The following SGCZ variants were observed in gnomAD, a reference collection of about 807,000 sequenced individuals.
SGCZ encodes the protein zeta-sarcoglycan.
SGCZ carries 40 observed loss-of-function variants against 41.3 expected under a neutral mutation model. The ratio of observed to expected loss-of-function variants is 0.97; its 90% CI spans 0.75 to 1.26. The LOEUF (loss-of-function observed/expected upper bound fraction) is 1.26. Among genes scored for constraint, SGCZ ranks in the 50% most tolerant of loss-of-function variants. The pLI is 0.00. For synonymous variants in SGCZ, 206 were observed against 137.5 expected (o/e 1.50, Z -3.49); for missense variants, 552 against 369.8 (o/e 1.49, Z -4.04).
intron 1 of SGCZ, among the ~76,000 whole-genome samples, chr8:14,582,646 T>A: frequency 7.0e-6 from 1 of 142,472 alleles, no homozygotes; most frequent in Non-Finnish European, 1.5e-5. Context: ...CTCCTAATGC[T>A]ATCCCTCCCC....
rs59769861 is a variant in SGCZ, at chr8:14,862,535, GATATATATATATATATATATATATAT to G, written c.40-307635_40-307610del. Among the ~76,000 whole-genome samples, 140 of 61,578 alleles carry G rather than the reference GATATATATATATATATATATATATAT, an allele frequency of 2.3e-3. 1 individual carries two copies. Among genetic ancestry groups the G allele is most frequent in the African/African-American group, 6.3e-3 (99 of 15,748 alleles). The allele number at this position is 61,578 out of a possible 152,430, so 40.4% of individuals were successfully genotyped here. Reference sequence around the variant, plus strand: ...TATGAAACAAAAATTGCATCTTTAAGATATATATATATATATATATATATATATATATATATATATATATATACACA... The same window carrying G: ...TATGAAACAAAAATTGCATCTTTAAGATATATATATATATATATATACACA... On this transcript the variant is annotated intron_variant, in intron 1 of 7. Coordinates refer to ENST00000382080, the MANE Select transcript of SGCZ (RefSeq NM_139167.4).
chr8:14,940,004 GA>G (rs1453585186), intron 1 of SGCZ, among the ~76,000 whole-genome samples: 1 of 152,132 alleles, frequency 6.6e-6, no homozygotes, highest in Non-Finnish European at 1.5e-5. Flanking sequence ...ACAGTCAATA[GA>G]AGTAATTCAG....
intron 2 of SGCZ, among the ~76,000 whole-genome samples, chr8:14,351,000 G>T (rs923066466): frequency 3.7e-4 from 57 of 152,226 alleles, no homozygotes; most frequent in Admixed American, 2.0e-3. Context: ...TGCATGCGTA[G>T]GGTCAGTCCT....
intron 3 of SGCZ, among the ~76,000 whole-genome samples, chr8:14,275,578 TAAAAG>T (rs972771241): frequency 2.0e-5 from 3 of 152,054 alleles, no homozygotes; most frequent in Non-Finnish European, 4.4e-5. Flanking sequence ...AGGGGAAACA[TAAAAG>T]GAAAGGGAGT....
chr8:14,493,096 T>G lies in SGCZ; in HGVS notation c.234+61636A>C, dbSNP rs1171440334. On this transcript the variant is annotated intron_variant, in intron 2 of 7. Coordinates refer to ENST00000382080, the MANE Select transcript of SGCZ (RefSeq NM_139167.4). ...TATATCCAGAATGACTTACTCAAAATGCAAATACAATTTGCATTGTAAATT... is the reference window on the plus strand; with the variant it reads ...TATATCCAGAATGACTTACTCAAAAGGCAAATACAATTTGCATTGTAAATT... Among the ~76,000 whole-genome samples, 6 of 152,180 alleles carry G rather than the reference T, an allele frequency of 3.9e-5. No homozygotes were observed. In the East Asian group the frequency reaches 1.2e-3, roughly 30 times the overall value.
chr8:15,029,843 C>A (rs979226109), intron 1 of SGCZ, among the ~76,000 whole-genome samples: 1 of 152,098 alleles, frequency 6.6e-6, no homozygotes, highest in African/African-American at 2.4e-5. Context: ...ATAATGGCTT[C>A]CATGAGATGA....
At chr8:14,508,783 A>C (rs1802382754) in intron 2 of SGCZ, among the ~76,000 whole-genome samples, 1 of 152,170 alleles carries the variant, frequency 6.6e-6, no homozygotes. Flanking sequence ...ACATGTATTT[A>C]TGTGAAGAAT....
At chr8:14,391,535 G>T (rs758580526) in intron 2 of SGCZ, among the ~76,000 whole-genome samples, 2 of 152,080 alleles carry the variant, frequency 1.3e-5, no homozygotes, top group South Asian at 2.1e-4. Context: ...ATGTTCAGGG[G>T]CAGAAGTAGG....
intron 2 of SGCZ, among the ~76,000 whole-genome samples, chr8:14,373,513 C>G (rs896009765): frequency 6.6e-6 from 1 of 152,066 alleles, no homozygotes; most frequent in African/African-American, 2.4e-5. Flanking sequence ...ACCCAAGTCT[C>G]TACAAAATTA....
At chr8:14,867,932 G>C (rs1472678198) in intron 1 of SGCZ, among the ~76,000 whole-genome samples, 2 of 143,450 alleles carry the variant, frequency 1.4e-5, no homozygotes, top group Non-Finnish European at 3.0e-5. Context: ...AAAAAAAAAA[G>C]CCTGAAGAAG....
intron 2 of SGCZ, among the ~76,000 whole-genome samples, chr8:14,363,223 C>T (rs6997359): frequency 0.35 from 53,566 of 151,916 alleles, 10,528 homozygotes; most frequent in African/African-American, 0.54. Context: ...CTTTGAAATA[C>T]ATGAGACTTT....
intron 2 of SGCZ, among the ~76,000 whole-genome samples, chr8:14,381,739 T>C (rs964579286): frequency 6.6e-6 from 1 of 151,882 alleles, no homozygotes; most frequent in Non-Finnish European, 1.5e-5. Flanking sequence ...TGAGCCATGA[T>C]TGCGCCACTG....
intron 5 of SGCZ, among the ~76,000 whole-genome samples, chr8:14,154,298 G>C (rs1287259201): frequency 6.6e-6 from 1 of 152,138 alleles, no homozygotes; most frequent in Admixed American, 6.6e-5. Context: ...GAACCCAGGA[G>C]GCAGAGGGTG....
chr8:14,585,678 T>A (rs1805033709), intron 1 of SGCZ, among the ~76,000 whole-genome samples: 1 of 152,160 alleles, frequency 6.6e-6, no homozygotes, highest in African/African-American at 2.4e-5. Flanking sequence ...ACAATTGAAA[T>A]TAATGTTACA....
chr8:14,332,572 T>A (rs983564984), intron 2 of SGCZ: 1 of 152,132 alleles, frequency 6.6e-6, no homozygotes, highest in Non-Finnish European at 1.5e-5. Context: ...CTGAAGGTAG[T>A]GAGTTATCTC....
At chr8:14,917,315 A>AT (rs11311305) in intron 1 of SGCZ, among the ~76,000 whole-genome samples, 3 of 151,864 alleles carry the variant, frequency 2.0e-5, no homozygotes, top group Non-Finnish European at 4.4e-5. Flanking sequence ...TAAGCAAGAG[A>AT]TTTTTTTTGC....
chr8:15,208,601 T>G (rs1390295734), intron 1 of SGCZ, among the ~76,000 whole-genome samples: 1 of 152,150 alleles, frequency 6.6e-6, no homozygotes, highest in African/African-American at 2.4e-5. Flanking sequence ...TCACTGAAAG[T>G]TCTAGAAAAG....
At chr8:15,211,283 A>T (rs893021627) in intron 1 of SGCZ, among the ~76,000 whole-genome samples, 1 of 7,586 alleles carries the variant, frequency 1.3e-4, no homozygotes, top group African/African-American at 2.5e-4. Flanking sequence ...CTGGTTGCCT[A>T]AAAAAAAAAA....
At chr8:14,209,115 C>G (rs938408599) in intron 4 of SGCZ, among the ~76,000 whole-genome samples, 7 of 152,182 alleles carry the variant, frequency 4.6e-5, no homozygotes, top group African/African-American at 1.7e-4. Context: ...GCAGAAAACA[C>G]GGCGCCAGCC....
Sources: allele counts gnomAD v4.1 joint callset (sites outside exome capture counted in the v4.1 genomes callset), GRCh38; gene constraint gnomAD v4.1.1; transcripts MANE v1.5; gene names NCBI Gene and HGNC (gene_info 2026-07-23, HGNC 2026-07-21).